The following NUP133 variants were observed in gnomAD, a reference collection of about 807,000 sequenced individuals.
NUP133 encodes nucleoporin 133, also known as nuclear pore complex protein Nup133.
In NUP133, 66 loss-of-function variants were observed where a neutral mutation model predicts 146.2. That is an observed-to-expected ratio of 0.45 (90% CI 0.37 to 0.55). The LOEUF (loss-of-function observed/expected upper bound fraction) is 0.55, where lower values mean the gene tolerates loss of function less well. Ranked by LOEUF, NUP133 falls within the 20% of genes least tolerant of loss-of-function variation. The probability of loss-of-function intolerance (pLI) is 0.00; values close to 1 mark genes in which losing one functional copy is unlikely to be tolerated. For missense variants in NUP133, 1,277 were observed against 1,374.8 expected (o/e 0.93, Z 1.12); for synonymous variants, 521 against 498.8 (o/e 1.04, Z -0.59).
chr1:229,501,918 G>A, intron 3 of NUP133, 81 bp downstream of exon 3: 1 of 1,016,664 alleles, frequency 9.8e-7, no homozygotes, highest in African/African-American at 1.6e-5. Flanking sequence ...TCCTCCAACT[G>A]TAAAAAAATT....
At chr1:229,464,902 TTAAAG>T (rs1370077419) in intron 17 of NUP133, 27 bp from the exon 18 acceptor site, 1 of 1,611,210 alleles carries the variant, frequency 6.2e-7, no homozygotes, top group Non-Finnish European at 8.5e-7. Flanking sequence ...AATAATATGG[TTAAAG>T]TAAGGGATCT....
In NUP133 at chr1:229,449,875, T is replaced by TATATATATATATATATATATATA. The variant is rs1558088585; in HGVS notation, c.3180+649_3180+650insTATATATATATATATATATATAT. Among the ~76,000 whole-genome samples, 6 of 64,014 alleles carry TATATATATATATATATATATATA rather than the reference T, an allele frequency of 9.4e-5. 1 individual carries two copies. Among genetic ancestry groups the TATATATATATATATATATATATA allele is most frequent in the African/African-American group, 1.2e-4 (2 of 16,672 alleles). The allele number at this position is 64,014 out of a possible 152,430, so 42.0% of individuals were successfully genotyped here. A position where few individuals can be genotyped will look rare whatever the true frequency, so the allele number is the denominator to read the frequency against. On this transcript the variant is annotated intron_variant, in intron 23 of 25. Coordinates refer to ENST00000261396, the MANE Select transcript of NUP133 (RefSeq NM_018230.3). ...TTTATATATATATATATATATATAT[T>TATATATATATATATATATATATA]TTTTTTTTTTTTTTTTTTTTTTTTG...
chr1:229,506,539 T>C lies in NUP133; in HGVS notation c.183-381A>G, dbSNP rs148854332. Among the ~76,000 whole-genome samples, 369 of 151,348 alleles carry C rather than the reference T, an allele frequency of 2.4e-3. 6 individuals are homozygous for C. The highest frequency in any genetic ancestry group is 0.021 in the Admixed American group (325 of 15,150). On this transcript the variant is annotated intron_variant, in intron 1 of 25. Coordinates refer to ENST00000261396, the MANE Select transcript of NUP133 (RefSeq NM_018230.3). ...ATATAAAACATCAGCTTTTACCATA[T>C]GTTGTGGTCAAATACATTTTATAAA...
intron 19 of NUP133, among the ~76,000 whole-genome samples, chr1:229,461,798 T>A (rs2102755913): frequency 6.6e-6 from 1 of 151,136 alleles, no homozygotes; most frequent in South Asian, 2.1e-4. Flanking sequence ...AGAAAATCCA[T>A]AAAAATAATT....
intron 17 of NUP133, among the ~76,000 whole-genome samples, 181 bp downstream of exon 17, chr1:229,465,239 A>G (rs1660786032): frequency 6.6e-6 from 1 of 152,244 alleles, no homozygotes. Context: ...CATAAATTAT[A>G]GAGAGATCGA....
chr1:229,475,812 T>TA, intron 13 of NUP133, 80 bp from the exon 14 acceptor site: 1 of 1,194,184 alleles, frequency 8.4e-7, no homozygotes, highest in East Asian at 2.3e-5. Flanking sequence ...TAACTGCTAT[T>TA]AAAATAAAAA....
intron 18 of NUP133, among the ~76,000 whole-genome samples, chr1:229,464,292 T>A (rs1341627510): frequency 6.6e-6 from 1 of 152,160 alleles, no homozygotes; most frequent in Admixed American, 6.5e-5. Context: ...CCATAATATC[T>A]TATCTGTACC....
At chr1:229,486,254 T>C in intron 11 of NUP133, 117 bp downstream of exon 11, 2 of 869,906 alleles carry the variant, frequency 2.3e-6, no homozygotes, top group Non-Finnish European at 3.3e-6. Context: ...GCCAGGAGTT[T>C]GGGGCTGCAA....
At chr1:229,499,328 T>C in intron 5 of NUP133, 1 of 460,158 alleles carries the variant, frequency 2.2e-6, no homozygotes, top group South Asian at 1.6e-5. Flanking sequence ...CTATCTGAAA[T>C]TGATATTTTG....
rs1037053112 is a variant in NUP133 at position 229,445,945 on chromosome 1, T to A, written c.3246-943A>T. ...TTTACCACAGGAAAAAGGAAAATTG[T>A]GAGTAGGAGAAGGCTTTTAGCAGTC... is the stretch of plus-strand genomic sequence containing the variant. On this transcript the variant is annotated intron_variant, in intron 24 of 25. Coordinates refer to ENST00000261396, the MANE Select transcript of NUP133 (RefSeq NM_018230.3). Among the ~76,000 whole-genome samples, 3 of 152,226 alleles carry A rather than the reference T, an allele frequency of 2.0e-5. 1 individual carries two copies. The highest frequency in any genetic ancestry group is 7.2e-5 in the African/African-American group (3 of 41,464).
Position 229,452,677 on chromosome 1 carries a change from T to C in NUP133, c.2981-34A>G, listed in dbSNP as rs1248505209. 9 of 1,501,446 alleles carry C rather than the reference T, an allele frequency of 6.0e-6. No homozygotes were observed. In the Admixed American group the frequency reaches 1.8e-4, roughly 29 times the overall value. The allele number at this position is 1,501,446 out of a possible 1,614,324, so 93.0% of individuals were successfully genotyped here. ...CAAGATGAGAGGGAGGGAAAGAGAA[T>C]ATGATGAAATTTGACTTTTGCTCTC... On this transcript the variant is annotated intron_variant, in intron 21 of 25. Transcript: ENST00000261396.
At chr1:229,468,214 A>G (rs142172972) in intron 15 of NUP133, among the ~76,000 whole-genome samples, 7 of 152,084 alleles carry the variant, frequency 4.6e-5, no homozygotes, top group Non-Finnish European at 2.9e-5. Context: ...CCAAGTCAAA[A>G]TATCGTTCTA....
Position 229,441,222 on chromosome 1 carries a change from G to GA in NUP133, c.*681dup. 3.1e-6 allele frequency: 1 copy of GA among 327,372 alleles called. No individual in the cohort carries two copies. Among genetic ancestry groups the GA allele is most frequent in the Non-Finnish European group, 6.1e-6 (1 of 164,848 alleles). 20.3% of individuals were successfully genotyped at this position (327,372 alleles called of 1,614,324 possible). A position where few individuals can be genotyped will look rare whatever the true frequency, so the allele number is the denominator to read the frequency against. The stretch of plus-strand genomic sequence containing the variant: ...ATGAGGCTGGCTGAATCCCCACACT[G>GA]AAAGATTAGAACTAAACATCAACAG... On this transcript the variant is annotated 3_prime_UTR_variant, in exon 26 of 26. Coordinates refer to ENST00000261396, the MANE Select transcript of NUP133 (RefSeq NM_018230.3).
At chr1:229,480,004 G>C (rs769733224) in intron 12 of NUP133, among the ~76,000 whole-genome samples, 8 of 152,342 alleles carry the variant, frequency 5.3e-5, no homozygotes, top group African/African-American at 7.2e-5. Flanking sequence ...TCAAAGGACA[G>C]AGGAAAGGGA....
In NUP133 at chr1:229,495,480, AAATT is replaced by A. The variant is rs1661634045; in HGVS notation, c.1046+11_1046+14del. On this transcript the variant is annotated intron_variant, in intron 8 of 25. Transcript: ENST00000261396. ...AACTCTTCTCTATGTTCTTTACGAC[AAATT>A]AATTGCTTACCAGTTTTGCTTCAAG... 1.3e-6 allele frequency: 2 copies of A among 1,587,838 alleles called. No individual in the cohort carries two copies. Among genetic ancestry groups the A allele is most frequent in the Non-Finnish European group, 1.7e-6 (2 of 1,157,630 alleles).
intron 14 of NUP133, among the ~76,000 whole-genome samples, chr1:229,472,787 TATGGAA>T (rs896141993): frequency 1.1e-4 from 16 of 150,606 alleles, no homozygotes. Flanking sequence ...TTCTGTAAGG[TATGGAA>T]ACACAATGTA....
intron 9 of NUP133, among the ~76,000 whole-genome samples, chr1:229,488,680 A>T (rs1661424047): frequency 6.6e-6 from 1 of 150,912 alleles, no homozygotes. Flanking sequence ...TAAGGATCAA[A>T]AAAAAAAAAA....
chr1:229,486,285 G>A (rs1661343682), intron 11 of NUP133, 86 bp downstream of exon 11: 3 of 1,233,666 alleles, frequency 2.4e-6, no homozygotes, highest in Non-Finnish European at 3.3e-6. Flanking sequence ...CTGTGCCACT[G>A]CACTCTAGCC....
intron 20 of NUP133, 146 bp from the exon 21 acceptor site, chr1:229,458,442 G>T: frequency 1.7e-6 from 1 of 604,158 alleles, no homozygotes. Context: ...AAACTGAGCA[G>T]TACGTAACAT....
Sources: allele counts gnomAD v4.1 joint callset (sites outside exome capture counted in the v4.1 genomes callset), GRCh38; gene constraint gnomAD v4.1.1; transcripts MANE v1.5; gene names NCBI Gene and HGNC (gene_info 2026-07-23, HGNC 2026-07-21).